CNTLN: variants seen among roughly 807,000 people sequenced by gnomAD.
CNTLN encodes the protein centlein, centrosomal protein.
CNTLN carries 212 observed loss-of-function variants against 180.0 expected under a neutral mutation model. The ratio of observed to expected loss-of-function variants is 1.18; its 90% CI spans 1.05 to 1.32. The LOEUF is 1.32. Among genes scored for constraint, CNTLN ranks in the 40% most tolerant of loss-of-function variants. CNTLN has a pLI of 0.00. For synonymous variants in CNTLN, 722 were observed against 563.1 expected (o/e 1.28, Z -3.99); for missense variants, 2,095 against 1,610.9 (o/e 1.30, Z -5.14).
chr9:17,449,670 C>T (rs550954683), intron 18 of CNTLN, among the ~76,000 whole-genome samples: 16 of 152,102 alleles, frequency 1.1e-4, no homozygotes, highest in Non-Finnish European at 5.9e-5. Context: ...TCACATATAA[C>T]GTGTTTTTAC....
intron 14 of CNTLN, among the ~76,000 whole-genome samples, chr9:17,392,156 C>A (rs758236676): frequency 6.6e-6 from 1 of 152,074 alleles, no homozygotes; most frequent in African/African-American, 2.4e-5. Context: ...GGTCCTAGCT[C>A]CTTGGGAGGC....
At chr9:17,211,770 C>T (rs1010622583) in intron 2 of CNTLN, among the ~76,000 whole-genome samples, 7 of 152,184 alleles carry the variant, frequency 4.6e-5, no homozygotes, top group African/African-American at 7.2e-5. Flanking sequence ...AGGTCCTTCA[C>T]ATCCCTTGTA....
Position 17,416,090 on chromosome 9 carries a change from A to G in CNTLN, c.3015A>G (p.Ala1005=), listed in dbSNP as rs770710928. 5.6e-6 allele frequency: 9 copies of G among 1,613,662 alleles called. No homozygotes were observed. The East Asian group carries it at 2.0e-4, about 36-fold the overall frequency. ...NSVLQNAKKT[A]ELSVKEYKEV... Reference sequence around the variant, plus strand: ...TACTTCAGAATGCCAAGAAAACAGCAGAATTGTCTGTTAAAGAATATAAAG... The same window carrying G: ...TACTTCAGAATGCCAAGAAAACAGCGGAATTGTCTGTTAAAGAATATAAAG... The change falls in exon 18 of 26, where the codon GCA becomes GCG. Residue 1005 remains alanine (A), a synonymous_variant. Transcript: ENST00000380647.
rs1832309471 is a variant in CNTLN, at chr9:17,475,855, A to G, written c.3856-8440A>G. 2.9e-5 allele frequency among the ~76,000 whole-genome samples: 4 copies of G among 140,342 alleles called. No individual in the cohort carries two copies. In the South Asian group the frequency reaches 1.0e-3, roughly 36 times the overall value. 92.1% of individuals were successfully genotyped at this position (140,342 alleles called of 152,430 possible). A position where few individuals can be genotyped will look rare whatever the true frequency, so the allele number is the denominator to read the frequency against. On this transcript the variant is annotated intron_variant, in intron 23 of 25. Transcript: ENST00000380647. ...GCCACTGCACTCCAGCCTGGGTGACAGAGCAAGACTCTCTCTCAAAAAAAA... is the reference window on the plus strand; with the variant it reads ...GCCACTGCACTCCAGCCTGGGTGACGGAGCAAGACTCTCTCTCAAAAAAAA...
chr9:17,483,883 A>C (rs950020999), intron 23 of CNTLN, among the ~76,000 whole-genome samples: 10 of 152,204 alleles, frequency 6.6e-5, no homozygotes, highest in African/African-American at 2.2e-4. Flanking sequence ...TCATTGGTTT[A>C]TGTAACCATT....
At chr9:17,494,154 G>T (rs1029766015) in intron 25 of CNTLN, among the ~76,000 whole-genome samples, 5 of 152,168 alleles carry the variant, frequency 3.3e-5, no homozygotes, top group Non-Finnish European at 5.9e-5. Flanking sequence ...CTCAAACTTA[G>T]TATGCTAGTG....
intron 5 of CNTLN, among the ~76,000 whole-genome samples, chr9:17,265,647 G>A (rs544865779): frequency 2.9e-4 from 44 of 152,142 alleles, no homozygotes; most frequent in Admixed American, 7.2e-4. Flanking sequence ...GGTAGAATTC[G>A]GCTGTGAATC....
intron 2 of CNTLN, among the ~76,000 whole-genome samples, chr9:17,203,534 A>ACAGGCTTGAGCCACCGCACCCGGCCAAG (rs1822697839): frequency 6.6e-6 from 1 of 151,412 alleles, no homozygotes. Flanking sequence ...TGTTCCTTTT[A>ACAGGCTTGAGCCACCGCACCCGGCCAAG]ATTCTTTTTT....
chr9:17,320,621 G>A (rs1819842723), intron 8 of CNTLN, among the ~76,000 whole-genome samples: 1 of 152,100 alleles, frequency 6.6e-6, no homozygotes, highest in Non-Finnish European at 1.5e-5. Context: ...TCCTGCCTCA[G>A]CCTCCCAGGT....
intron 2 of CNTLN, among the ~76,000 whole-genome samples, chr9:17,215,470 G>A (rs570937739): frequency 6.8e-6 from 1 of 146,020 alleles, no homozygotes; most frequent in East Asian, 1.9e-4. Flanking sequence ...CTACTAGGGG[G>A]TGCCTCCCAG....
chr9:17,287,762 C>A (rs992891163), intron 6 of CNTLN, among the ~76,000 whole-genome samples: 3 of 146,758 alleles, frequency 2.0e-5, no homozygotes, highest in Non-Finnish European at 4.5e-5. Context: ...AGGAATTTAT[C>A]CATTTCTTCT....
Position 17,457,547 on chromosome 9 carries a change from G to C in CNTLN, c.3138G>C (p.Gly1046=), listed in dbSNP as rs1461379834. The C allele has an allele frequency of 6.6e-7, 1 of 1,504,432 alleles. No individual in the cohort carries two copies. Among genetic ancestry groups the C allele is most frequent in the African/African-American group, 1.4e-5 (1 of 70,802 alleles). The allele number at this position is 1,504,432 out of a possible 1,614,324, so 93.2% of individuals were successfully genotyped here. ...AGAAGCTAAATTTGGATTTGGCTGG[G>C]CTTCGGAAAGAAAAAGAAGATTTAC... The part of the protein sequence containing the change: ...TIKKLNLDLA[G]LRKEKEDLLK... Residue 1046 remains glycine (G), a synonymous_variant, in exon 19 of 26, where the codon GGG becomes GGC. Transcript: ENST00000380647.
intron 6 of CNTLN, among the ~76,000 whole-genome samples, chr9:17,288,909 C>T (rs1245132312): frequency 6.9e-5 from 8 of 115,556 alleles, no homozygotes; most frequent in East Asian, 2.2e-4. Context: ...TGTCTCTGCA[C>T]GTGAGATGGG....
chr9:17,321,614 C>T (rs1248795598), intron 8 of CNTLN, among the ~76,000 whole-genome samples: 1 of 152,136 alleles, frequency 6.6e-6, no homozygotes, highest in Non-Finnish European at 1.5e-5. Flanking sequence ...GCTTTATTTT[C>T]TTGCCAGAGG....
intron 5 of CNTLN, among the ~76,000 whole-genome samples, chr9:17,263,411 A>G (rs1163426640): frequency 1.3e-5 from 2 of 150,836 alleles, no homozygotes; most frequent in African/African-American, 2.5e-5. Context: ...CATGGTGTAT[A>G]TGTGCCACAT....
chr9:17,290,342 C>T (rs982202631), intron 6 of CNTLN, among the ~76,000 whole-genome samples: 6 of 150,910 alleles, frequency 4.0e-5, no homozygotes, highest in African/African-American at 1.5e-4. Flanking sequence ...GTCAGGGACC[C>T]ACTTGAGGAG....
chr9:17,140,697 G>A (rs1331343127), intron 1 of CNTLN, among the ~76,000 whole-genome samples: 1 of 152,078 alleles, frequency 6.6e-6, no homozygotes, highest in Admixed American at 6.6e-5. Flanking sequence ...TCCCATCTTG[G>A]CCTCCCAAAG....
At chr9:17,449,478 T>G (rs1830662313) in intron 18 of CNTLN, among the ~76,000 whole-genome samples, 1 of 151,506 alleles carries the variant, frequency 6.6e-6, no homozygotes, top group Admixed American at 6.6e-5. Context: ...ACATGTACCC[T>G]AAAACTTAAA....
chr9:17,141,756 T>G (rs1259881635), intron 1 of CNTLN, among the ~76,000 whole-genome samples: 5 of 152,014 alleles, frequency 3.3e-5, no homozygotes, highest in Admixed American at 2.6e-4. Flanking sequence ...TAGGGTTTAT[T>G]GATGATTTGG....
Sources: allele counts gnomAD v4.1 joint callset (sites outside exome capture counted in the v4.1 genomes callset), GRCh38; gene constraint gnomAD v4.1.1; transcripts MANE v1.5; gene names NCBI Gene and HGNC (gene_info 2026-07-23, HGNC 2026-07-21).